Variants in NAA25 observed in about 807,000 individuals in gnomAD.
The protein encoded by NAA25 is N-alpha-acetyltransferase 25, NatB auxiliary subunit.
Under a neutral mutation model 132.5 loss-of-function variants are expected in NAA25, and 30 were observed. The ratio of observed to expected loss-of-function variants is 0.23; its 90% CI spans 0.17 to 0.31. The LOEUF (loss-of-function observed/expected upper bound fraction) is 0.31, where lower values mean the gene tolerates loss of function less well. Ranked by LOEUF, NAA25 falls within the 10% of genes least tolerant of loss-of-function variation. The pLI, the probability that NAA25 is intolerant of heterozygous loss-of-function variation, is 1.00. For missense variants in NAA25, 771 were observed against 1,150.4 expected (o/e 0.67, Z 4.77); for synonymous variants, 359 against 401.9 (o/e 0.89, Z 1.28).
chr12:112,088,640 G>A, intron 3 of NAA25, among the ~76,000 whole-genome samples: 1 of 144,750 alleles, frequency 6.9e-6, no homozygotes, highest in East Asian at 2.0e-4. Flanking sequence ...TTTTTTTTTG[G>A]AGACAGAGTT....
chr12:112,026,949 T>C lies in NAA25; in HGVS notation c.*2582A>G, dbSNP rs1015860239. 6.6e-6 allele frequency: 1 copy of C among 152,606 alleles called. No homozygotes were observed. Among genetic ancestry groups the C allele is most frequent in the African/African-American group, 2.4e-5 (1 of 41,436 alleles). 9.5% of individuals were successfully genotyped at this position (152,606 alleles called of 1,614,324 possible). A position where few individuals can be genotyped will look rare whatever the true frequency, so the allele number is the denominator to read the frequency against. On this transcript the variant is annotated 3_prime_UTR_variant, in exon 24 of 24. Coordinates refer to ENST00000261745, the MANE Select transcript of NAA25 (RefSeq NM_024953.4). ...TTCAACAATTAAAATTATGAAAATA[T>C]ACAAAATTGATGGGCAACACAACTA...
chr12:112,095,297 C>A (rs1202872035), intron 1 of NAA25, among the ~76,000 whole-genome samples: 2 of 151,852 alleles, frequency 1.3e-5, no homozygotes, highest in African/African-American at 2.4e-5. Context: ...ATTAGCCGGG[C>A]ATGGTGGCGG....
At chr12:112,055,732 A>C in intron 13 of NAA25, among the ~76,000 whole-genome samples, 1 of 151,252 alleles carries the variant, frequency 6.6e-6, no homozygotes, top group East Asian at 1.9e-4. Flanking sequence ...AAAAAAAAAG[A>C]AAAAAAAATG....
At position 112,061,528 on chromosome 12, in the gene NAA25, T is replaced by G. The variant is rs2078629651; in HGVS notation, c.1150-140A>C. 6 of 693,650 alleles carry G rather than the reference T, an allele frequency of 8.6e-6. No homozygotes were observed. In the South Asian group the frequency reaches 9.8e-5, roughly 11 times the overall value. The allele number at this position is 693,650 out of a possible 1,614,324, so 43.0% of individuals were successfully genotyped here. A position where few individuals can be genotyped will look rare whatever the true frequency, so the allele number is the denominator to read the frequency against. The stretch of plus-strand genomic sequence containing the variant: ...AATTCCTTTCATAAACCATTTTCTA[T>G]CTACCAAAATAGCTAAAACAAAAAA... On this transcript the variant is annotated intron_variant, in intron 11 of 23. Transcript: ENST00000261745.
chr12:112,042,155 G>A (rs1368637044), intron 19 of NAA25, 51 bp from the exon 20 acceptor site: 2 of 964,622 alleles, frequency 2.1e-6, no homozygotes, highest in Non-Finnish European at 2.9e-6. Flanking sequence ...TTTTTAGTAA[G>A]ATAAAGAAGC....
chr12:112,053,518 A>G, intron 15 of NAA25, 40 bp downstream of exon 15: 1 of 1,395,160 alleles, frequency 7.2e-7, no homozygotes. Flanking sequence ...GTGTGCAGTC[A>G]GCAGACAAGA....
intron 23 of NAA25, 81 bp from the exon 24 acceptor site, chr12:112,029,734 C>T: frequency 6.5e-7 from 1 of 1,549,604 alleles, no homozygotes; most frequent in Non-Finnish European, 8.7e-7. Flanking sequence ...AAAGTTAAAG[C>T]TGCCATTACC....
intron 4 of NAA25, among the ~76,000 whole-genome samples, chr12:112,087,009 CAAAA>C (rs57089089): frequency 2.8e-5 from 2 of 70,546 alleles, no homozygotes. Context: ...ACTCCATCTC[CAAAA>C]AAAAAAAAAA....
chr12:112,071,998 C>T lies in NAA25; in HGVS notation c.933G>A (p.Thr311=), dbSNP rs529457237. 2.5e-5 allele frequency: 41 copies of T among 1,613,954 alleles called. No individual in the cohort carries two copies. In the East Asian group the frequency reaches 5.8e-4, roughly 23 times the overall value. Residue 311 remains threonine, a synonymous_variant, in exon 10 of 24, where the codon ACG becomes ACA. Coordinates refer to ENST00000261745, the MANE Select transcript of NAA25 (RefSeq NM_024953.4). ...GATGGCGAGAACTTTTAGATTCTTCCGTTATCCGATCTTCTATAAACTTCA... is the reference window on the plus strand; with the variant it reads ...GATGGCGAGAACTTTTAGATTCTTCTGTTATCCGATCTTCTATAAACTTCA... ...KAVKFIEDRI[T]EESKSSRHLR...
Position 112,053,821 on chromosome 12 carries a change from T to TAAAAAAAAA in NAA25, c.1629-173_1629-165dup, listed in dbSNP as rs4041251. Among the ~76,000 whole-genome samples, 3 of 114,338 alleles carry TAAAAAAAAA rather than the reference T, an allele frequency of 2.6e-5. 1 individual carries two copies. Among genetic ancestry groups the TAAAAAAAAA allele is most frequent in the East Asian group, 2.4e-4 (1 of 4,208 alleles). 75.0% of individuals were successfully genotyped at this position (114,338 alleles called of 152,430 possible). A position where few individuals can be genotyped will look rare whatever the true frequency, so the allele number is the denominator to read the frequency against. ...ATGATCTAATTCACCAGTTAAAATT[T>TAAAAAAAAA]AAAAAAAAAAAAAAAAAAAAGCCAA... On this transcript the variant is annotated intron_variant, in intron 14 of 23. Transcript: ENST00000261745.
chr12:112,056,043 T>C (rs2078539731), intron 13 of NAA25, among the ~76,000 whole-genome samples: 1 of 151,644 alleles, frequency 6.6e-6, no homozygotes, highest in Non-Finnish European at 1.5e-5. Context: ...ATACAAAAAA[T>C]ACAAAAACTG....
chr12:112,094,240 CAAAAAAAAA>C (rs199734463), intron 1 of NAA25, among the ~76,000 whole-genome samples: 18 of 69,294 alleles, frequency 2.6e-4, no homozygotes, highest in South Asian at 4.3e-4. Flanking sequence ...GACTCTGTCT[CAAAAAAAAA>C]AAAAAAAAAA....
Position 112,077,421 on chromosome 12 carries a change from C to A in NAA25, c.664+767G>T, listed in dbSNP as rs190227134. The stretch of plus-strand genomic sequence containing the variant: ...CCAGGAGGCAGAGGTTGCAGTGAGC[C>A]GAGATCGCACCACTGCACTCTAGCC... On this transcript the variant is annotated intron_variant, in intron 7 of 23. Transcript: ENST00000261745. Among the ~76,000 whole-genome samples the A allele has an allele frequency of 2.0e-3, 304 of 150,506 alleles. 1 individual carries two copies. The highest frequency in any genetic ancestry group is 7.3e-3 in the African/African-American group (298 of 40,910).
At chr12:112,060,733 CATCTT>C (rs1426742918) in intron 12 of NAA25, among the ~76,000 whole-genome samples, 1 of 152,210 alleles carries the variant, frequency 6.6e-6, no homozygotes, top group African/African-American at 2.4e-5. Context: ...TAAATACTGA[CATCTT>C]ATAGTCAGAC....
chr12:112,035,147 A>C (rs573551897), intron 22 of NAA25: 2 of 152,180 alleles, frequency 1.3e-5, no homozygotes, highest in Non-Finnish European at 2.9e-5. Context: ...TCTTCACTTT[A>C]TTCACACCTT....
rs937351570 is a variant in NAA25, at chr12:112,029,203, T to G, written c.*328A>C. On this transcript the variant is annotated 3_prime_UTR_variant, in exon 24 of 24. Coordinates refer to ENST00000261745, the MANE Select transcript of NAA25 (RefSeq NM_024953.4). ...GTTGATGCTTTATGCTTAATTTCTATTGCTGTTTTTATAGACCCCCCGCTC... is the reference window on the plus strand; with the variant it reads ...GTTGATGCTTTATGCTTAATTTCTAGTGCTGTTTTTATAGACCCCCCGCTC... 1 of 262,706 alleles carries G rather than the reference T, an allele frequency of 3.8e-6. No individual in the cohort carries two copies. Among genetic ancestry groups the G allele is most frequent in the African/African-American group, 2.2e-5 (1 of 45,236 alleles). 16.3% of individuals were successfully genotyped at this position (262,706 alleles called of 1,614,324 possible).
chr12:112,050,053 A>C (rs1172825117), intron 15 of NAA25, among the ~76,000 whole-genome samples: 1 of 152,038 alleles, frequency 6.6e-6, no homozygotes, highest in Non-Finnish European at 1.5e-5. Context: ...TATTTAAAAA[A>C]AAAAAAAAAA....
At chr12:112,073,261 TAC>T (rs34053629) in intron 9 of NAA25, among the ~76,000 whole-genome samples, 10,619 of 148,660 alleles carry the variant, frequency 0.071, 1,424 homozygotes, top group East Asian at 0.62. Flanking sequence ...AAAAATTAAA[TAC>T]ACACACACAC....
At chr12:112,108,111 C>T (rs1283332922) in intron 1 of NAA25, among the ~76,000 whole-genome samples, 1 of 152,128 alleles carries the variant, frequency 6.6e-6, no homozygotes, top group African/African-American at 2.4e-5. Flanking sequence ...CCCCTCCCCC[C>T]GCCTCCCACG....
Sources: allele counts gnomAD v4.1 joint callset (sites outside exome capture counted in the v4.1 genomes callset), GRCh38; gene constraint gnomAD v4.1.1; transcripts MANE v1.5; gene names NCBI Gene and HGNC (gene_info 2026-07-23, HGNC 2026-07-21).